Variants in CSMD2 observed in about 807,000 individuals in gnomAD.
CSMD2 encodes CUB and sushi domain-containing protein 2.
A neutral mutation model predicts 398.5 loss-of-function variants in CSMD2; 130 were observed. The observed-to-expected ratio is 0.33, with a 90% CI of 0.28 to 0.38. The LOEUF (loss-of-function observed/expected upper bound fraction) is 0.38, where lower values mean the gene tolerates loss of function less well. CSMD2 is among the 10% of genes least tolerant of loss of function. The probability of loss-of-function intolerance (pLI) is 1.00; values close to 1 mark genes in which losing one functional copy is unlikely to be tolerated. For missense variants in CSMD2, 3,829 were observed against 4,764.9 expected (o/e 0.80, Z 5.78); for synonymous variants, 1,828 against 1,908.5 (o/e 0.96, Z 1.10).
chr1:33,534,396 C>T (rs1255099019), intron 62 of CSMD2, among the ~76,000 whole-genome samples: 1 of 152,180 alleles, frequency 6.6e-6, no homozygotes, highest in Non-Finnish European at 1.5e-5. Flanking sequence ...AATGAAATTG[C>T]AAATTCTTTA....
Position 33,743,319 on chromosome 1 carries a change from G to GAA in CSMD2, c.2133_2134insTT (p.His712PhefsTer28). ...TTGAAGCCCCTCTTCCCTGTGGAGT[G>GAA]GTCAGTCTGGAACTCGAGACGGGCC... On this transcript the variant is annotated frameshift_variant, in exon 14 of 71. Coordinates refer to ENST00000373381, the MANE Select transcript of CSMD2 (RefSeq NM_001281956.2). LOFTEE classifies it high-confidence loss of function. 6.2e-7 allele frequency: 1 copy of GAA among 1,613,474 alleles called. No homozygotes were observed. Among genetic ancestry groups the GAA allele is most frequent in the Non-Finnish European group, 8.5e-7 (1 of 1,179,704 alleles).
chr1:33,783,306 G>A lies in CSMD2; in HGVS notation c.1663+5294C>T, dbSNP rs528138503. ...CCTGTATTGAGGCTCTTAGCCCCCA[G>A]TGTGACTGTATTTGAAGATGGGGCC... On this transcript the variant is annotated intron_variant, in intron 12 of 70. Transcript: ENST00000373381. Among the ~76,000 whole-genome samples, 8 of 152,276 alleles carry A rather than the reference G, an allele frequency of 5.3e-5. No homozygotes were observed. In the South Asian group the frequency reaches 1.2e-3, roughly 24 times the overall value.
chr1:33,791,127 C>T (rs1451464575), intron 11 of CSMD2, among the ~76,000 whole-genome samples: 2 of 152,178 alleles, frequency 1.3e-5, no homozygotes, highest in Non-Finnish European at 2.9e-5. Flanking sequence ...TACTAAATGG[C>T]CATTTTTCAT....
intron 5 of CSMD2, among the ~76,000 whole-genome samples, chr1:33,892,461 C>T (rs1642090411): frequency 1.3e-5 from 2 of 152,062 alleles, no homozygotes; most frequent in Non-Finnish European, 2.9e-5. Context: ...GTCTTTTACC[C>T]CTCAACCCCC....
At position 34,139,104 on chromosome 1, in the gene CSMD2, CCA is replaced by C. The variant is rs1313791370; in HGVS notation, c.187+25805_187+25806del. ...TACTACTACCATTTGAATGTTTGTC[CCA>C]TCCAAAACTTGTGCTGAAACTTAAT... On this transcript the variant is annotated intron_variant, in intron 1 of 70. Coordinates refer to ENST00000373381, the MANE Select transcript of CSMD2 (RefSeq NM_001281956.2). Among the ~76,000 whole-genome samples, 9 of 152,104 alleles carry C rather than the reference CCA, an allele frequency of 5.9e-5. No individual in the cohort carries two copies. The East Asian group carries it at 1.7e-3, about 29-fold the overall frequency.
chr1:33,611,379 CTAGAACTGGCTTTGGGA>C, intron 40 of CSMD2, 129 bp from the exon 41 acceptor site: 2 of 761,330 alleles, frequency 2.6e-6, no homozygotes, highest in Non-Finnish European at 2.2e-6. Context: ...GCCAAGGCTC[CTAGAACTGGCTTTGGGA>C]ATTGCCCGTC....
At chr1:33,909,314 C>T (rs1643313413) in intron 5 of CSMD2, among the ~76,000 whole-genome samples, 1 of 152,114 alleles carries the variant, frequency 6.6e-6, no homozygotes, top group Non-Finnish European at 1.5e-5. Flanking sequence ...TGAGTTCTTC[C>T]CCTGTGGCTC....
At chr1:33,979,443 G>T (rs1252025547) in intron 3 of CSMD2, among the ~76,000 whole-genome samples, 1 of 152,166 alleles carries the variant, frequency 6.6e-6, no homozygotes, top group Non-Finnish European at 1.5e-5. Context: ...AAATAGCCCT[G>T]CCCCTTCCTC....
chr1:34,047,029 A>C (rs1339962779), intron 2 of CSMD2, among the ~76,000 whole-genome samples: 1 of 152,092 alleles, frequency 6.6e-6, no homozygotes, highest in Non-Finnish European at 1.5e-5. Flanking sequence ...TTCTGTGATC[A>C]TCTTAAGTCA....
chr1:33,569,636 A>T, intron 51 of CSMD2, 89 bp from the exon 52 acceptor site: 1 of 1,286,532 alleles, frequency 7.8e-7, no homozygotes, highest in Middle Eastern at 2.6e-4. Flanking sequence ...CAAAAATAAG[A>T]CCTGTTTAAC....
At chr1:33,772,538 C>A in intron 13 of CSMD2, 31 bp downstream of exon 13, 1 of 1,594,696 alleles carries the variant, frequency 6.3e-7, no homozygotes, top group South Asian at 1.1e-5. Flanking sequence ...TCAGTGAAGA[C>A]CCTGGCGTGG....
intron 5 of CSMD2, chr1:33,862,452 T>C (rs1008140387): frequency 6.6e-6 from 1 of 150,462 alleles, no homozygotes; most frequent in Non-Finnish European, 1.5e-5. Context: ...TTCTTCCTCA[T>C]GTCCCATCTT....
At chr1:33,604,436 C>T (rs902579076) in intron 42 of CSMD2, among the ~76,000 whole-genome samples, 1 of 152,194 alleles carries the variant, frequency 6.6e-6, no homozygotes, top group Non-Finnish European at 1.5e-5. Flanking sequence ...AGTGAGCCAT[C>T]TGTGAAGTCC....
Position 33,514,951 on chromosome 1 carries a change from C to T in CSMD2, c.*1673G>A, listed in dbSNP as rs540242394. ...TAAGAACCAGGTGTCGCTGTCCCTC[C>T]GCTCCTGCACATTTCTATTTGCTAT... On this transcript the variant is annotated 3_prime_UTR_variant, in exon 71 of 71. Coordinates refer to ENST00000373381, the MANE Select transcript of CSMD2 (RefSeq NM_001281956.2). The T allele has an allele frequency of 1.3e-4, 20 of 152,268 alleles. No individual in the cohort carries two copies. The highest frequency in any genetic ancestry group is 8.5e-4 in the Admixed American group (13 of 15,300). 9.4% of individuals were successfully genotyped at this position (152,268 alleles called of 1,614,324 possible).
At chr1:33,969,025 G>C (rs1645660432) in intron 3 of CSMD2, among the ~76,000 whole-genome samples, 1 of 152,134 alleles carries the variant, frequency 6.6e-6, no homozygotes. Context: ...CTAGCTCCCA[G>C]GAGTAGGTCC....
chr1:33,722,692 T>C (rs1646397012), intron 19 of CSMD2, among the ~76,000 whole-genome samples: 1 of 152,192 alleles, frequency 6.6e-6, no homozygotes, highest in Admixed American at 6.5e-5. Context: ...GATTTTTTTT[T>C]TTCTATTTAG....
At chr1:33,726,803 T>A in intron 15 of CSMD2, 118 bp from the exon 16 acceptor site, 2 of 1,108,932 alleles carry the variant, frequency 1.8e-6, no homozygotes, top group African/African-American at 1.6e-5. Context: ...TATGGAAAAT[T>A]ACATAAACTA....
intron 1 of CSMD2, among the ~76,000 whole-genome samples, chr1:34,132,219 G>T (rs1489073509): frequency 6.6e-6 from 1 of 152,014 alleles, no homozygotes; most frequent in Non-Finnish European, 1.5e-5. Context: ...GGACATAAGG[G>T]AGAATGGGAG....
chr1:33,527,215 T>A lies in CSMD2; in HGVS notation c.10215A>T (p.Pro3405=). 6.2e-7 allele frequency: 1 copy of A among 1,614,142 alleles called. No individual in the cohort carries two copies. Among genetic ancestry groups the A allele is most frequent in the Non-Finnish European group, 8.5e-7 (1 of 1,179,976 alleles). ...ACGTACTCAAGGCTTGGGTGAGCGG[T>A]GGCTCCCGGGCAGTGTTGATGGGTC... The part of the protein sequence containing the change: ...SGRPINTARE[P]PLTQALIPGD... The change falls in exon 65 of 71, where the codon CCA becomes CCT. Residue 3405 remains proline, a synonymous_variant. Transcript: ENST00000373381.
Sources: gnomAD v4.1 joint callset for allele counts (sites outside exome capture counted in the v4.1 genomes callset) on GRCh38, gnomAD v4.1.1 for gene constraint, MANE v1.5 for transcripts, NCBI Gene and HGNC (gene_info 2026-07-23, HGNC 2026-07-21) for gene names.